The following ZCCHC14 variants were observed in gnomAD, a reference collection of about 807,000 sequenced individuals.
The protein encoded by ZCCHC14 is zinc finger CCHC-type containing 14.
A neutral mutation model predicts 85.0 loss-of-function variants in ZCCHC14; 16 were observed. That is an observed-to-expected ratio of 0.19 (90% CI 0.13 to 0.29). The LOEUF (loss-of-function observed/expected upper bound fraction) is 0.29, where lower values mean the gene tolerates loss of function less well. ZCCHC14 is among the 10% of genes least tolerant of loss of function. The pLI is 1.00. For missense variants in ZCCHC14, 1,303 were observed against 1,443.5 expected, an observed-to-expected ratio of 0.90 and a Z score of 1.58; for synonymous variants, 775 against 630.7, an observed-to-expected ratio of 1.23 and a Z score of -3.43.
intron 1 of ZCCHC14, among the ~76,000 whole-genome samples, chr16:87,483,304 CAAAAAAAAAAAAAAAAAAAAAA>C (rs56708958): frequency 1.1e-4 from 5 of 43,658 alleles, no homozygotes; most frequent in South Asian, 1.4e-3. Context: ...CTAAAAATAC[CAAAAAAAAAAAAAAAAAAAAAA>C]AAAAAAAAAA....
chr16:87,414,614 G>C (rs1908685110), intron 9 of ZCCHC14, 73 bp from the exon 10 acceptor site: 1 of 1,526,662 alleles, frequency 6.6e-7, no homozygotes, highest in Non-Finnish European at 8.8e-7. Context: ...CTTCAAGACG[G>C]GTCTACTCCA....
intron 3 of ZCCHC14, among the ~76,000 whole-genome samples, chr16:87,431,397 C>T (rs1254045473): frequency 6.9e-5 from 10 of 145,242 alleles, no homozygotes; most frequent in South Asian, 4.7e-4. Context: ...GGTGTGAACC[C>T]GGGAGGCGGA....
chr16:87,412,719 G>A lies in ZCCHC14; in HGVS notation c.2002C>T (p.His668Tyr). 6.2e-7 allele frequency: 1 copy of A among 1,614,220 alleles called. No individual in the cohort carries two copies. The highest frequency in any genetic ancestry group is 8.5e-7 in the Non-Finnish European group (1 of 1,180,038). Residue 668 changes from histidine to tyrosine, a missense_variant, in exon 12 of 13, where the codon CAC (histidine) becomes TAC (tyrosine). Physicochemically the swap from His to Tyr is moderately conservative, Grantham distance 83. Around this residue, in one of 7 missense-constraint regions of ZCCHC14, gnomAD observed 797 missense variants for 730.8 expected, o/e 1.09. Transcript: ENST00000671377. ...CTTTCTTCTAGAGACAAAAGTGAGT[G>A]CACAGAAGACGAGAGGAGCTTCATG... ...ADMKLLSSSVHSLLSLEERNK... is the reference protein window; with the variant it reads ...ADMKLLSSSVYSLLSLEERNK...
intron 3 of ZCCHC14, among the ~76,000 whole-genome samples, chr16:87,431,634 A>G (rs1223086911): frequency 6.6e-6 from 1 of 152,200 alleles, no homozygotes; most frequent in East Asian, 1.9e-4. Flanking sequence ...GAGCAAATCA[A>G]AGCCCACTGT....
intron 1 of ZCCHC14, chr16:87,467,070 A>C: frequency 2.2e-6 from 1 of 456,444 alleles, no homozygotes; most frequent in South Asian, 3.2e-5. Flanking sequence ...TTTACTAAAG[A>C]GACAGGGTCC....
intron 2 of ZCCHC14, among the ~76,000 whole-genome samples, chr16:87,436,738 A>G (rs1909942698): frequency 1.3e-5 from 2 of 152,236 alleles, no homozygotes; most frequent in African/African-American, 4.8e-5. Context: ...AAAAAAAGAA[A>G]AAAGCCTCGG....
intron 1 of ZCCHC14, among the ~76,000 whole-genome samples, chr16:87,486,248 C>T (rs988289958): frequency 6.6e-6 from 1 of 152,110 alleles, no homozygotes; most frequent in African/African-American, 2.4e-5. Flanking sequence ...AACTGCATCC[C>T]AGCACGGTCA....
At chr16:87,415,239 A>G in intron 9 of ZCCHC14, 37 bp downstream of exon 9, 1 of 1,598,222 alleles carries the variant, frequency 6.3e-7, no homozygotes. Context: ...CGAGAAATGG[A>G]AATAAACACA....
chr16:87,431,532 A>T (rs183055853), intron 3 of ZCCHC14, among the ~76,000 whole-genome samples: 140 of 151,996 alleles, frequency 9.2e-4, no homozygotes, highest in Non-Finnish European at 1.6e-3. Context: ...ATGGCCGGTC[A>T]GGTTGTATGA....
At chr16:87,438,742 C>A (rs1178046977) in intron 2 of ZCCHC14, among the ~76,000 whole-genome samples, 1 of 152,158 alleles carries the variant, frequency 6.6e-6, no homozygotes, top group East Asian at 1.9e-4. Context: ...TGCCCCCGGT[C>A]TTCCTCCTGC....
intron 1 of ZCCHC14, chr16:87,472,685 G>A (rs1911823167): frequency 6.6e-6 from 1 of 152,310 alleles, no homozygotes; most frequent in Non-Finnish European, 1.5e-5. Context: ...CCATCAGAAA[G>A]TAAAGCAATA....
chr16:87,419,751 A>G, intron 6 of ZCCHC14, 32 bp downstream of exon 6: 1 of 1,431,394 alleles, frequency 7.0e-7, no homozygotes, highest in Non-Finnish European at 9.4e-7. Flanking sequence ...TTTTTTTTTT[A>G]ATTTATATTT....
In ZCCHC14 at chr16:87,412,069, ACTG is replaced by A; in HGVS notation, c.2649_2651del (p.Ser884del). 6.2e-7 allele frequency: 1 copy of A among 1,611,750 alleles called. No homozygotes were observed. The highest frequency in any genetic ancestry group is 8.5e-7 in the Non-Finnish European group (1 of 1,180,004). On this transcript the variant is annotated inframe_deletion, in exon 12 of 13. Transcript: ENST00000671377. ...TGTTTCCTGTGGAGCCGCCACCGCC[ACTG>A]CTGCTATAGAAACTGCTTTCAGGGA...
chr16:87,467,785 G>A (rs921367103), intron 1 of ZCCHC14: 1 of 487,862 alleles, frequency 2.0e-6, no homozygotes, highest in Non-Finnish European at 3.7e-6. Context: ...TCAAGTAGCT[G>A]GGACTACAGG....
intron 2 of ZCCHC14, among the ~76,000 whole-genome samples, chr16:87,442,047 A>C (rs2150744738): frequency 6.6e-6 from 1 of 152,352 alleles, no homozygotes; most frequent in East Asian, 1.9e-4. Context: ...AGGACCAAAA[A>C]GGGGAGCCCC....
intron 4 of ZCCHC14, among the ~76,000 whole-genome samples, chr16:87,422,412 G>A (rs547917445): frequency 5.6e-4 from 85 of 152,176 alleles, no homozygotes; most frequent in African/African-American, 1.8e-3. Context: ...AAATGCTTGA[G>A]GAGAAAATGG....
chr16:87,465,435 G>A (rs1226554187), intron 1 of ZCCHC14, among the ~76,000 whole-genome samples: 1 of 152,128 alleles, frequency 6.6e-6, no homozygotes, highest in Non-Finnish European at 1.5e-5. Context: ...TCTACAAAGC[G>A]CTAACCCAGG....
At chr16:87,459,962 T>A (rs377131494) in intron 2 of ZCCHC14, 46 bp downstream of exon 2, 1 of 1,613,000 alleles carries the variant, frequency 6.2e-7, no homozygotes, top group Non-Finnish European at 8.5e-7. Flanking sequence ...GGTGTGCCCA[T>A]CCTCCGTCCG....
intron 2 of ZCCHC14, among the ~76,000 whole-genome samples, chr16:87,444,556 G>A (rs556397501): frequency 2.0e-4 from 30 of 152,312 alleles, no homozygotes; most frequent in Middle Eastern, 6.8e-3. Context: ...TATAGTGACT[G>A]TCATCAGTAA....
Sources: allele counts gnomAD v4.1 joint callset (sites outside exome capture counted in the v4.1 genomes callset), GRCh38; gene constraint gnomAD v4.1.1; regional missense constraint gnomAD v4.1.1; transcripts MANE v1.5; gene names NCBI Gene and HGNC (gene_info 2026-07-23, HGNC 2026-07-21).